KIFC3: variants seen among roughly 807,000 people sequenced by gnomAD.
The protein encoded by KIFC3 is kinesin-like protein KIFC3.
KIFC3 carries 60 observed loss-of-function variants against 101.8 expected under a neutral mutation model. The ratio of observed to expected loss-of-function variants is 0.59; its 90% CI spans 0.48 to 0.73. KIFC3 has a LOEUF of 0.73. Ranked by LOEUF, KIFC3 falls within the 30% of genes least tolerant of loss-of-function variation. KIFC3 has a pLI of 0.00. For missense variants in KIFC3, 966 were observed against 1,137.1 expected (o/e 0.85, Z 2.16); for synonymous variants, 476 against 482.7 (o/e 0.99, Z 0.18).
At chr16:57,814,159 C>G (rs1453150599) in intron 1 of KIFC3, among the ~76,000 whole-genome samples, 5 of 152,140 alleles carry the variant, frequency 3.3e-5, no homozygotes, top group Non-Finnish European at 7.4e-5. Context: ...CCACTGACCC[C>G]ACAAGGCACC....
In KIFC3 at chr16:57,843,829, C is replaced by T. The variant is rs578173282; in HGVS notation, c.108+18900G>A. ...CCCTGGAGATGTTTCTTTCCTTGGC[C>T]GGGCATGGTGGCTCACGCTCATAAT... On this transcript the variant is annotated intron_variant, in intron 1 of 2. Transcript: ENST00000563028. Among the ~76,000 whole-genome samples, 48 of 152,196 alleles carry T rather than the reference C, an allele frequency of 3.2e-4. 2 individuals are homozygous for T. The South Asian group carries it at 7.7e-3, about 24-fold the overall frequency.
chr16:57,822,802 C>G (rs1441950616), intron 1 of KIFC3, among the ~76,000 whole-genome samples: 1 of 152,166 alleles, frequency 6.6e-6, no homozygotes, highest in Non-Finnish European at 1.5e-5. Context: ...CAACACAGAG[C>G]TTGGATTTCC....
At chr16:57,818,855 C>T (rs539782476) in intron 1 of KIFC3, among the ~76,000 whole-genome samples, 1 of 152,354 alleles carries the variant, frequency 6.6e-6, no homozygotes, top group African/African-American at 2.4e-5. Flanking sequence ...TATTGTAAAC[C>T]TGCTGCTTAA....
chr16:57,759,913 C>T, intron 17 of KIFC3, 77 bp from the exon 18 acceptor site: 1 of 1,088,102 alleles, frequency 9.2e-7, no homozygotes, highest in Non-Finnish European at 1.3e-6. Flanking sequence ...CTCTCTACTC[C>T]CCTGCCCTGC....
At chr16:57,814,682 GT>G (rs2055178857) in intron 1 of KIFC3, among the ~76,000 whole-genome samples, 1 of 151,882 alleles carries the variant, frequency 6.6e-6, no homozygotes, top group African/African-American at 2.4e-5. Context: ...CTGGAGTGCA[GT>G]GGTGCGATCT....
At chr16:57,832,321 C>CTTTT (rs1165977084) in intron 1 of KIFC3, among the ~76,000 whole-genome samples, 10 of 73,506 alleles carry the variant, frequency 1.4e-4, no homozygotes, top group East Asian at 5.0e-4. Context: ...GCGCCAGGCC[C>CTTTT]TTTTTTTTTT....
At position 57,780,502 on chromosome 16, in the gene KIFC3, T is replaced by C. The variant is rs573586041; in HGVS notation, c.316-8214A>G. On this transcript the variant is annotated intron_variant, in intron 3 of 19. Transcript: ENST00000445690. ...CTCCAGCCTGGGTGACAGAGCAAGA[T>C]TCTCTCTCAAGAAAAAAAATATATA... Among the ~76,000 whole-genome samples, 272 of 150,616 alleles carry C rather than the reference T, an allele frequency of 1.8e-3. 3 individuals are homozygous for C. The highest frequency in any genetic ancestry group is 0.014 in the Admixed American group (218 of 15,074).
chr16:57,774,939 C>G, intron 3 of KIFC3: 10 of 1,490,724 alleles, frequency 6.7e-6, no homozygotes, highest in African/African-American at 1.4e-5. Flanking sequence ...CCTCCCTCCC[C>G]AGAAAGGCTG....
intron 3 of KIFC3, chr16:57,779,915 T>C (rs1175330199): frequency 6.6e-6 from 1 of 152,140 alleles, no homozygotes; most frequent in Admixed American, 6.5e-5. Context: ...AAACTTACAA[T>C]CCTGGCAGAA....
At chr16:57,860,265 C>G (rs2149341194) in intron 1 of KIFC3, among the ~76,000 whole-genome samples, 1 of 151,998 alleles carries the variant, frequency 6.6e-6, no homozygotes, top group South Asian at 2.1e-4. Context: ...ACCAGCCTGA[C>G]CAACATGGTG....
At chr16:57,775,171 G>A (rs1409497675) in intron 3 of KIFC3, 41 of 1,331,462 alleles carry the variant, frequency 3.1e-5, no homozygotes, top group East Asian at 2.1e-4. Flanking sequence ...AATCTCAGAG[G>A]GGCACCCAAA....
At chr16:57,846,677 G>C (rs1045678705) in intron 1 of KIFC3, 2 of 152,206 alleles carry the variant, frequency 1.3e-5, no homozygotes, top group African/African-American at 4.8e-5. Flanking sequence ...CACCCCTGCA[G>C]CTGGTTCAAG....
At chr16:57,789,210 C>T (rs74022047) in intron 3 of KIFC3, among the ~76,000 whole-genome samples, 18,393 of 152,240 alleles carry the variant, frequency 0.12, 1,325 homozygotes, top group African/African-American at 0.19. Flanking sequence ...GGAGTCCGTC[C>T]GAGCAGGGGA....
chr16:57,851,326 ATC>A (rs1370799567), intron 1 of KIFC3, among the ~76,000 whole-genome samples: 1 of 151,682 alleles, frequency 6.6e-6, no homozygotes, highest in African/African-American at 2.4e-5. Context: ...ATTATTTTTC[ATC>A]TCTCTCTGTT....
chr16:57,850,586 C>T (rs1374244203), intron 1 of KIFC3, among the ~76,000 whole-genome samples: 2 of 143,274 alleles, frequency 1.4e-5, no homozygotes, highest in Non-Finnish European at 3.0e-5. Flanking sequence ...AGCGATTCTC[C>T]TGCCTCAGCC....
intron 3 of KIFC3, among the ~76,000 whole-genome samples, chr16:57,783,745 T>C (rs548308063): frequency 6.6e-6 from 1 of 152,256 alleles, no homozygotes; most frequent in East Asian, 1.9e-4. Flanking sequence ...AATGCTGGGA[T>C]TACAGGTGTG....
At chr16:57,776,351 C>G (rs1288282913) in intron 3 of KIFC3, 1 of 985,278 alleles carries the variant, frequency 1.0e-6, no homozygotes, top group Non-Finnish European at 1.2e-6. Context: ...CTATCTGTCC[C>G]CTGTCCACGC....
chr16:57,845,639 C>A (rs1335522872), intron 1 of KIFC3, among the ~76,000 whole-genome samples: 2 of 152,154 alleles, frequency 1.3e-5, no homozygotes, highest in East Asian at 3.9e-4. Context: ...AGGTGTTCCT[C>A]AAGGAGACTC....
intron 13 of KIFC3, among the ~76,000 whole-genome samples, chr16:57,761,821 CAGAG>C (rs1250851321): frequency 6.6e-6 from 1 of 152,140 alleles, no homozygotes; most frequent in African/African-American, 2.4e-5. Flanking sequence ...GCCTGGGTCT[CAGAG>C]AGAGCCCCTC....
Sources: gnomAD v4.1 joint callset for allele counts (sites outside exome capture counted in the v4.1 genomes callset) on GRCh38, gnomAD v4.1.1 for gene constraint, MANE v1.5 for transcripts, NCBI Gene and HGNC (gene_info 2026-07-23, HGNC 2026-07-21) for gene names.